The following DIP2C variants were observed in gnomAD, a reference collection of about 807,000 sequenced individuals.
DIP2C encodes disco-interacting protein 2 homolog C.
A neutral mutation model predicts 192.4 loss-of-function variants in DIP2C; 33 were observed. That is an observed-to-expected ratio of 0.17 (90% CI 0.13 to 0.23). DIP2C has a LOEUF of 0.23. Ranked by LOEUF, DIP2C falls within the 10% of genes least tolerant of loss-of-function variation. DIP2C has a pLI of 1.00. For missense variants in DIP2C, 1,537 were observed against 2,110.1 expected (o/e 0.73, Z 5.32); for synonymous variants, 979 against 864.1 (o/e 1.13, Z -2.33).
At chr10:321,426 G>A (rs1957004239) in intron 31 of DIP2C, among the ~76,000 whole-genome samples, 1 of 152,110 alleles carries the variant, frequency 6.6e-6, no homozygotes, top group Non-Finnish European at 1.5e-5. Context: ...TCTCTCTTTT[G>A]GACAATGTTC....
chr10:662,977 T>G, intron 1 of DIP2C: 1 of 716,060 alleles, frequency 1.4e-6, no homozygotes, highest in Non-Finnish European at 2.6e-6. Flanking sequence ...ACATGCTGAT[T>G]GGTTTTATCT....
At chr10:346,536 C>T (rs1210824765) in intron 26 of DIP2C, among the ~76,000 whole-genome samples, 1 of 141,678 alleles carries the variant, frequency 7.1e-6, no homozygotes, top group African/African-American at 2.7e-5. Context: ...CCGGAAACCC[C>T]ACACTCACCC....
At chr10:595,651 G>C (rs912153013) in intron 1 of DIP2C, among the ~76,000 whole-genome samples, 1 of 152,140 alleles carries the variant, frequency 6.6e-6, no homozygotes, top group Non-Finnish European at 1.5e-5. Flanking sequence ...CAGGGACATC[G>C]GTTCCAGGAC....
rs750211678 is a variant in DIP2C, at chr10:341,306, G to A, written c.3477C>T (p.Ala1159=). 3.7e-6 allele frequency: 6 copies of A among 1,614,150 alleles called. No homozygotes were observed. The highest frequency in any genetic ancestry group is 5.1e-6 in the Non-Finnish European group (6 of 1,180,052). ...GVKMSHAATS[A]FCRSIKLQCE... ...ACTGCAGCTTAATGGAACGGCAGAA[G>A]GCACTGGTGGCTGCGTGAGACATCT... Residue 1159 remains alanine, a synonymous_variant, in exon 29 of 37, where the codon GCC becomes GCT. Transcript: ENST00000280886.
chr10:336,487 C>A (rs1957774388), intron 29 of DIP2C, among the ~76,000 whole-genome samples: 1 of 152,164 alleles, frequency 6.6e-6, no homozygotes, highest in Non-Finnish European at 1.5e-5. Flanking sequence ...TACCTAGCAT[C>A]TTAGAGATGA....
chr10:548,911 C>CCAA (rs1348217783), intron 1 of DIP2C, among the ~76,000 whole-genome samples: 1 of 26,462 alleles, frequency 3.8e-5, no homozygotes, highest in African/African-American at 1.3e-4. Flanking sequence ...TAGCAGCTCA[C>CCAA]AAAAAAAAAA....
At chr10:577,655 T>G (rs1023326590) in intron 1 of DIP2C, among the ~76,000 whole-genome samples, 2 of 152,186 alleles carry the variant, frequency 1.3e-5, no homozygotes, top group Non-Finnish European at 1.5e-5. Flanking sequence ...AGCCCTGCCT[T>G]CAAGGTGCTC....
chr10:338,515 A>G (rs188593218), intron 29 of DIP2C, among the ~76,000 whole-genome samples: 143 of 151,274 alleles, frequency 9.5e-4, no homozygotes, highest in African/African-American at 3.3e-3. Flanking sequence ...ACTTACCATC[A>G]CGTTACCGCT....
intron 1 of DIP2C, among the ~76,000 whole-genome samples, chr10:508,104 T>TCC (rs936591395): frequency 6.7e-6 from 1 of 148,738 alleles, no homozygotes; most frequent in East Asian, 1.9e-4. Context: ...TCAGCCACCT[T>TCC]CCCCCAACGC....
intron 1 of DIP2C, among the ~76,000 whole-genome samples, chr10:525,913 T>G (rs1268361838): frequency 1.3e-5 from 2 of 152,162 alleles, no homozygotes; most frequent in Admixed American, 1.3e-4. Flanking sequence ...TGCCCAGGAA[T>G]CTGCATTTCC....
intron 1 of DIP2C, among the ~76,000 whole-genome samples, chr10:513,078 C>T (rs561717168): frequency 5.3e-5 from 8 of 152,268 alleles, no homozygotes; most frequent in African/African-American, 1.9e-4. Flanking sequence ...AACTACTCAC[C>T]AAGTTTCATG....
intron 31 of DIP2C, among the ~76,000 whole-genome samples, chr10:312,713 A>T (rs908164727): frequency 1.4e-4 from 22 of 152,230 alleles, no homozygotes; most frequent in Non-Finnish European, 2.9e-5. Flanking sequence ...TGTTTGAAAA[A>T]GAGAGGCAGA....
At chr10:522,787 G>T (rs1846793637) in intron 1 of DIP2C, among the ~76,000 whole-genome samples, 1 of 152,230 alleles carries the variant, frequency 6.6e-6, no homozygotes, top group Non-Finnish European at 1.5e-5. Context: ...GCCTTTATCA[G>T]ATGAGCCTTT....
intron 1 of DIP2C, among the ~76,000 whole-genome samples, chr10:534,380 T>C (rs1588409681): frequency 1.3e-5 from 2 of 152,164 alleles, no homozygotes; most frequent in African/African-American, 4.8e-5. Flanking sequence ...GCAGCCTGGG[T>C]CCCTGCTAGT....
intron 26 of DIP2C, among the ~76,000 whole-genome samples, chr10:348,386 T>G (rs1958623579): frequency 1.3e-5 from 2 of 152,198 alleles, no homozygotes; most frequent in Non-Finnish European, 2.9e-5. Context: ...TGCCCTCTCT[T>G]GGGAGCCGTT....
intron 29 of DIP2C, among the ~76,000 whole-genome samples, chr10:334,304 C>CAAAAAAAAAAAAAAAAAA (rs35031456): frequency 2.4e-5 from 2 of 82,410 alleles, no homozygotes; most frequent in African/African-American, 5.2e-5. Context: ...AAGACTGTCT[C>CAAAAAAAAAAAAAAAAAA]AAAAAAAAAA....
intron 1 of DIP2C, among the ~76,000 whole-genome samples, chr10:642,819 G>A (rs1028244985): frequency 4.6e-5 from 7 of 152,268 alleles, no homozygotes; most frequent in African/African-American, 1.7e-4. Flanking sequence ...TTTAAGAAAG[G>A]AATGTAATAT....
intron 1 of DIP2C, among the ~76,000 whole-genome samples, chr10:657,008 A>G (rs1856380621): frequency 6.6e-6 from 1 of 152,096 alleles, no homozygotes; most frequent in Admixed American, 6.5e-5. Context: ...GAGTGGGTAC[A>G]TTTTCACATG....
At chr10:546,183 G>A (rs1848274633) in intron 1 of DIP2C, among the ~76,000 whole-genome samples, 1 of 151,612 alleles carries the variant, frequency 6.6e-6, no homozygotes, top group African/African-American at 2.4e-5. Context: ...CTGGGAGGCT[G>A]AGGCAGGAGA....
Sources: gnomAD v4.1 joint callset for allele counts (sites outside exome capture counted in the v4.1 genomes callset) on GRCh38, gnomAD v4.1.1 for gene constraint, MANE v1.5 for transcripts, NCBI Gene and HGNC (gene_info 2026-07-23, HGNC 2026-07-21) for gene names.